The following HSPA9 variants were observed in gnomAD, a reference collection of about 807,000 sequenced individuals.
HSPA9 encodes the protein stress-70 protein, mitochondrial.
A neutral mutation model predicts 81.5 loss-of-function variants in HSPA9; 28 were observed. That is an observed-to-expected ratio of 0.34 (90% CI 0.25 to 0.47). HSPA9 has a LOEUF of 0.47. HSPA9 is among the 20% of genes least tolerant of loss of function. HSPA9 has a pLI of 1.00. For synonymous variants in HSPA9, 293 were observed against 290.4 expected, an observed-to-expected ratio of 1.01 and a Z score of -0.09; for missense variants, 678 against 838.0, an observed-to-expected ratio of 0.81 and a Z score of 2.36.
intron 13 of HSPA9, 25 bp downstream of exon 13, chr5:138,557,844 G>C (rs775983125): frequency 2.1e-6 from 3 of 1,410,548 alleles, no homozygotes; most frequent in South Asian, 2.3e-5. Context: ...CTCACTCTTA[G>C]GGTCTGATAA....
In HSPA9 at chr5:138,560,079, C is replaced by G; in HGVS notation, c.1195G>C (p.Val399Leu). The change falls in exon 11 of 17, where the codon GTA becomes CTA. Residue 399 changes from valine (V) to leucine (L), a missense_variant. By Grantham distance (32) the Val-to-Leu change is conservative. Around this residue, in one of 4 missense-constraint regions of HSPA9, gnomAD observed 484 missense variants for 647.5 expected, o/e 0.75. Transcript: ENST00000297185. ...MTRMPKVQQT[V>L]QDLFGRAPSK... The stretch of plus-strand genomic sequence containing the variant: ...GGGGCTCTGCCAAAAAGATCCTGTA[C>G]AGTCTGCTGAACCTGAACATCAAGG... The G allele has an allele frequency of 1.2e-6, 2 of 1,613,912 alleles. No homozygotes were observed. Among genetic ancestry groups the G allele is most frequent in the African/African-American group, 1.3e-5 (1 of 75,034 alleles).
At chr5:138,564,860 C>T (rs1750730958) in intron 9 of HSPA9, among the ~76,000 whole-genome samples, 1 of 152,174 alleles carries the variant, frequency 6.6e-6, no homozygotes, top group Admixed American at 6.5e-5. Flanking sequence ...AATGTTAATT[C>T]ATCCAAGATC....
chr5:138,566,188 CAAAAAAAAAAAAAAA>C lies in HSPA9; in HGVS notation c.972+423_972+437del, dbSNP rs1186233815. ...GGGCAACAGGAGCAAAACTCTGTCT[CAAAAAAAAAAAAAAA>C]AAAAAAAAAAAGACACTCAGAGACT... is the stretch of plus-strand genomic sequence containing the variant. On this transcript the variant is annotated intron_variant, in intron 9 of 16. Coordinates refer to ENST00000297185, the MANE Select transcript of HSPA9 (RefSeq NM_004134.7). 6.8e-3 allele frequency among the ~76,000 whole-genome samples: 408 copies of C among 59,716 alleles called. 3 individuals carry two copies. Among genetic ancestry groups the C allele is most frequent in the African/African-American group, 0.024 (383 of 15,998 alleles). 39.2% of individuals were successfully genotyped at this position (59,716 alleles called of 152,430 possible). A position where few individuals can be genotyped will look rare whatever the true frequency, so the allele number is the denominator to read the frequency against.
Position 138,568,980 on chromosome 5 carries a change from C to A in HSPA9, c.480G>T (p.Leu160Phe). The change falls in exon 5 of 17, where the codon TTG becomes TTT. Residue 160 changes from leucine (L) to phenylalanine (F), a missense_variant. By Grantham distance (22) the Leu-to-Phe change is conservative. This residue lies in a region of HSPA9 where 484 missense variants were observed against 647.5 expected (regional missense o/e 0.75). Transcript: ENST00000297185. Reference protein sequence around the residue: ...GDAWVEAHGKLYSPSQIGAFV... With the variant: ...GDAWVEAHGKFYSPSQIGAFV... ...ATGCTCCAATCTGACTCGGAGAATACAATTTCCCATGAGCCTCAACCCAGG... is the reference window on the plus strand; with the variant it reads ...ATGCTCCAATCTGACTCGGAGAATAAAATTTCCCATGAGCCTCAACCCAGG... 1 of 1,614,008 alleles carries A rather than the reference C, an allele frequency of 6.2e-7. No individual in the cohort carries two copies. The highest frequency in any genetic ancestry group is 1.3e-5 in the African/African-American group (1 of 75,036).
At chr5:138,569,464 C>T (rs747665269) in intron 4 of HSPA9, among the ~76,000 whole-genome samples, 11 of 152,188 alleles carry the variant, frequency 7.2e-5, no homozygotes, top group Admixed American at 2.6e-4. Flanking sequence ...TTTCTAATAG[C>T]CAAAAAGCAG....
In HSPA9 at chr5:138,574,969, C is replaced by T. The variant is rs541404452; in HGVS notation, c.81+269G>A. The T allele has an allele frequency of 1.6e-4, 89 of 569,558 alleles. 1 individual carries two copies. The highest frequency in any genetic ancestry group is 1.5e-3 in the African/African-American group (81 of 53,186). The allele number at this position is 569,558 out of a possible 1,614,324, so 35.3% of individuals were successfully genotyped here. ...AAGGCCAAACCTTTCCATTCAGCCACAGAACAGGCCATGAGGACCACTACC... is the reference window on the plus strand; with the variant it reads ...AAGGCCAAACCTTTCCATTCAGCCATAGAACAGGCCATGAGGACCACTACC... On this transcript the variant is annotated intron_variant, in intron 1 of 16. Coordinates refer to ENST00000297185, the MANE Select transcript of HSPA9 (RefSeq NM_004134.7).
chr5:138,556,342 ATCTCACTC>A, intron 16 of HSPA9, 102 bp downstream of exon 16: 1 of 1,336,938 alleles, frequency 7.5e-7, no homozygotes, highest in African/African-American at 1.4e-5. Context: ...CCCAACTCTA[ATCTCACTC>A]TAAATTCCAC....
chr5:138,561,396 A>G (rs1472994030), intron 10 of HSPA9, among the ~76,000 whole-genome samples, 184 bp downstream of exon 10: 1 of 152,186 alleles, frequency 6.6e-6, no homozygotes, highest in African/African-American at 2.4e-5. Flanking sequence ...GGCGTGAACC[A>G]CCATGCCCAG....
chr5:138,573,723 A>T, intron 3 of HSPA9, 40 bp downstream of exon 3: 1 of 1,193,722 alleles, frequency 8.4e-7, no homozygotes, highest in Non-Finnish European at 1.2e-6. Flanking sequence ...AGAATTCTGG[A>T]CAGATTCTGG....
Position 138,567,724 on chromosome 5 carries a change from T to C in HSPA9, c.536-2A>G. The C allele has an allele frequency of 6.2e-7, 1 of 1,607,946 alleles. No homozygotes were observed. Among genetic ancestry groups the C allele is most frequent in the Non-Finnish European group, 8.5e-7 (1 of 1,174,682 alleles). On this transcript the variant is annotated splice_acceptor_variant, in intron 5 of 16. Coordinates refer to ENST00000297185, the MANE Select transcript of HSPA9 (RefSeq NM_004134.7). LOFTEE classifies it high-confidence loss of function. Reference sequence around the variant, plus strand: ...TTGCTGTGTGCCCCAAGTAATTTTCTGGAAAAGAATGAAATTCAATCATGG... The same window carrying C: ...TTGCTGTGTGCCCCAAGTAATTTTCCGGAAAAGAATGAAATTCAATCATGG...
chr5:138,566,789 TG>T, intron 8 of HSPA9, 71 bp from the exon 9 acceptor site: 2 of 1,260,290 alleles, frequency 1.6e-6, no homozygotes, highest in South Asian at 1.2e-5. Context: ...AGTAATAAGG[TG>T]GAACAACACA....
At chr5:138,558,774 T>C in intron 11 of HSPA9, 117 bp from the exon 12 acceptor site, 2 of 730,468 alleles carry the variant, frequency 2.7e-6, no homozygotes, top group Non-Finnish European at 5.0e-6. Flanking sequence ...ATTTACGGTA[T>C]GTTCAGAACA....
chr5:138,573,950 C>T (rs933698457), intron 2 of HSPA9, 100 bp from the exon 3 acceptor site: 40 of 1,249,438 alleles, frequency 3.2e-5, no homozygotes, highest in Non-Finnish European at 4.4e-5. Flanking sequence ...TGGTATACTA[C>T]ATAATCTCTA....
At position 138,575,391 on chromosome 5, in the gene HSPA9, G is replaced by T. The variant is rs764152684; in HGVS notation, c.-73C>A. ...CAAAGAGCTGCGCGATGCGGTGGCG[G>T]CAGCGCTTCTGGAAACCTCCAACCA... On this transcript the variant is annotated 5_prime_UTR_variant, in exon 1 of 17. Transcript: ENST00000297185. The T allele has an allele frequency of 1.5e-6, 2 of 1,334,260 alleles. No homozygotes were observed. Among genetic ancestry groups the T allele is most frequent in the Non-Finnish European group, 2.1e-6 (2 of 936,822 alleles). 82.7% of individuals were successfully genotyped at this position (1,334,260 alleles called of 1,614,324 possible). A position where few individuals can be genotyped will look rare whatever the true frequency, so the allele number is the denominator to read the frequency against.
Position 138,558,534 on chromosome 5 carries a change from AGGAT to A in HSPA9, c.1515+15_1515+18del. The A allele has an allele frequency of 7.0e-7, 1 of 1,426,062 alleles. No homozygotes were observed. Among genetic ancestry groups the A allele is most frequent in the Non-Finnish European group, 9.9e-7 (1 of 1,008,500 alleles). The allele number at this position is 1,426,062 out of a possible 1,614,324, so 88.3% of individuals were successfully genotyped here. A position where few individuals can be genotyped will look rare whatever the true frequency, so the allele number is the denominator to read the frequency against. On this transcript the variant is annotated intron_variant, in intron 12 of 16. Coordinates refer to ENST00000297185, the MANE Select transcript of HSPA9 (RefSeq NM_004134.7). ...TTACAGTGAAGGAGGCATAGTATTC[AGGAT>A]TCACAATAACCTACCAAAGTAAACT... is the stretch of plus-strand genomic sequence containing the variant.
chr5:138,573,844 T>C lies in HSPA9; in HGVS notation c.147A>G (p.Glu49=). The C allele has an allele frequency of 1.2e-6, 2 of 1,611,306 alleles. No homozygotes were observed. The highest frequency in any genetic ancestry group is 2.2e-5 in the South Asian group (2 of 91,018). ...TACCAACAACTGCTCCCTTGATTGC[T>C]TCTGATCTGTAAGACATTTAGAACA... ...RLVSRRDYAS[E]AIKGAVVGID... is the part of the protein sequence containing the mutation. The change falls in exon 3 of 17, where the codon GAA becomes GAG. Residue 49 remains glutamate, a synonymous_variant. Transcript: ENST00000297185.
Position 138,575,283 on chromosome 5 carries a change from G to A in HSPA9, c.36C>T (p.Leu12=), listed in dbSNP as rs201439685. The A allele has an allele frequency of 2.5e-6, 4 of 1,611,792 alleles. No homozygotes were observed. Among genetic ancestry groups the A allele is most frequent in the South Asian group, 2.2e-5 (2 of 90,812 alleles). The change falls in exon 1 of 17, where the codon CTC becomes CTT. Residue 12 remains leucine (L), a synonymous_variant. Transcript: ENST00000297185. ...GGCCCCGGGAGGCTGCGGCGCCCACGAGACGGGCTGCTGCAGCTCGGCTGG... is the reference window on the plus strand; with the variant it reads ...GGCCCCGGGAGGCTGCGGCGCCCACAAGACGGGCTGCTGCAGCTCGGCTGG... ...ISASRAAAAR[L]VGAAASRGPT... is the part of the protein sequence containing the mutation.
chr5:138,555,046 A>AAAACTTTCATGTTAGAGATCTAG lies in HSPA9; in HGVS notation c.*968_*990dup, dbSNP rs553776968. 3.5e-5 allele frequency: 5 copies of AAAACTTTCATGTTAGAGATCTAG among 142,810 alleles called. No individual in the cohort carries two copies. Among genetic ancestry groups the AAAACTTTCATGTTAGAGATCTAG allele is most frequent in the South Asian group, 4.1e-4 (2 of 4,826 alleles). The allele number at this position is 142,810 out of a possible 1,614,324, so 8.8% of individuals were successfully genotyped here. On this transcript the variant is annotated 3_prime_UTR_variant, in exon 17 of 17. Coordinates refer to ENST00000297185, the MANE Select transcript of HSPA9 (RefSeq NM_004134.7). ...CCTTGGTTTTCATGTTAGAGATCTA[A>AAAACTTTCATGTTAGAGATCTAG]AAACTTTCATGTTAGAGATCTAGAA...
intron 11 of HSPA9, among the ~76,000 whole-genome samples, chr5:138,559,435 T>G (rs561103530): frequency 1.1e-4 from 17 of 152,258 alleles, no homozygotes; most frequent in African/African-American, 4.1e-4. Context: ...ACAAGCCATG[T>G]CCAAGTAGCC....
Sources: allele counts gnomAD v4.1 joint callset (sites outside exome capture counted in the v4.1 genomes callset), GRCh38; gene constraint gnomAD v4.1.1; regional missense constraint gnomAD v4.1.1; transcripts MANE v1.5; gene names NCBI Gene and HGNC (gene_info 2026-07-23, HGNC 2026-07-21).